The following BFSP1 variants were observed in gnomAD, a reference collection of about 807,000 sequenced individuals.
The protein encoded by BFSP1 is beaded filament structural protein 1, also known as filensin.
BFSP1 carries 38 observed loss-of-function variants against 43.9 expected under a neutral mutation model. The observed-to-expected ratio is 0.87, with a 90% CI of 0.67 to 1.14. BFSP1 has a LOEUF of 1.14. Ranked by LOEUF, BFSP1 falls within the 50% of genes most tolerant of loss-of-function variation. The probability of loss-of-function intolerance (pLI) is 0.00; values close to 1 mark genes in which losing one functional copy is unlikely to be tolerated. For missense variants in BFSP1, 850 were observed against 875.1 expected, an observed-to-expected ratio of 0.97 and a Z score of 0.36; for synonymous variants, 352 against 354.8, an observed-to-expected ratio of 0.99 and a Z score of 0.09.
upstream of BFSP1, among the ~76,000 whole-genome samples, chr20:17,559,904 C>A (rs1026509787): frequency 6.6e-6 from 1 of 152,068 alleles, no homozygotes; most frequent in Non-Finnish European, 1.5e-5. Context: ...TATCTAGAGT[C>A]AAATACCTCA....
intron 1 of BFSP1, among the ~76,000 whole-genome samples, chr20:17,539,936 GA>G (rs1355615198): frequency 2.6e-5 from 4 of 152,108 alleles, no homozygotes; most frequent in Admixed American, 6.6e-5. Context: ...AATTGGGGGG[GA>G]CAACAATAGT....
At chr20:17,504,170 C>T (rs1297064758) in intron 5 of BFSP1, among the ~76,000 whole-genome samples, 5 of 152,182 alleles carry the variant, frequency 3.3e-5, no homozygotes, top group Non-Finnish European at 7.3e-5. Context: ...CCACAGCCCC[C>T]ATCCCCCACA....
intron 4 of BFSP1, among the ~76,000 whole-genome samples, chr20:17,511,092 A>G (rs2034067290): frequency 6.7e-6 from 1 of 148,720 alleles, no homozygotes; most frequent in African/African-American, 2.5e-5. Flanking sequence ...GATTACAAGC[A>G]TGAGCCACCT....
At chr20:17,498,418 C>T (rs1005997487) in intron 6 of BFSP1, among the ~76,000 whole-genome samples, 1 of 152,180 alleles carries the variant, frequency 6.6e-6, no homozygotes, top group Non-Finnish European at 1.5e-5. Context: ...TCTGAGTGCC[C>T]TCAAGTGCCA....
rs1222836687 is a variant in BFSP1 at position 17,565,677 on chromosome 20, C to CT, written n.51-2583dup. The CT allele has an allele frequency of 1.3e-4, 20 of 152,324 alleles. 1 individual carries two copies. The highest frequency in any genetic ancestry group is 4.3e-4 in the African/African-American group (18 of 41,560). The allele number at this position is 152,324 out of a possible 1,614,324, so 9.4% of individuals were successfully genotyped here. ...TATTTCTGTTAGTCCATACAGCAAA[C>CT]TGACATCAGTGGTTACCTCTGAGGA... On this transcript the variant is annotated intron_variant and non_coding_transcript_variant, in intron 1 of 6. Transcript: ENST00000473415.
intron 1 of BFSP1, among the ~76,000 whole-genome samples, chr20:17,538,891 C>T (rs1172821302): frequency 1.3e-5 from 2 of 152,096 alleles, no homozygotes; most frequent in African/African-American, 4.8e-5. Context: ...AAACCTACCA[C>T]CACTTTCAAG....
upstream of BFSP1, among the ~76,000 whole-genome samples, chr20:17,532,560 C>T (rs2034565526): frequency 6.6e-6 from 1 of 151,880 alleles, no homozygotes; most frequent in Non-Finnish European, 1.5e-5. Flanking sequence ...AAGTGATCCG[C>T]CATTAATTGG....
intron 6 of BFSP1, among the ~76,000 whole-genome samples, chr20:17,498,097 A>G (rs1450860731): frequency 6.6e-6 from 1 of 152,180 alleles, no homozygotes; most frequent in East Asian, 1.9e-4. Context: ...CGCGAAGGGA[A>G]GAGCTGCTCC....
At position 17,493,941 on chromosome 20, in the gene BFSP1, G is replaced by T; in HGVS notation, c.*133C>A. 1.2e-6 allele frequency: 1 copy of T among 812,274 alleles called. No individual in the cohort carries two copies. The highest frequency in any genetic ancestry group is 1.9e-6 in the Non-Finnish European group (1 of 519,644). 50.3% of individuals were successfully genotyped at this position (812,274 alleles called of 1,614,324 possible). On this transcript the variant is annotated 3_prime_UTR_variant, in exon 8 of 8. Coordinates refer to ENST00000377873, the MANE Select transcript of BFSP1 (RefSeq NM_001195.5). Reference sequence around the variant, plus strand: ...AAAACATTTTAATGAAGGCTTCGTTGGCAATGCCAGATGGGTCAACTATGG... The same window carrying T: ...AAAACATTTTAATGAAGGCTTCGTTTGCAATGCCAGATGGGTCAACTATGG...
chr20:17,499,395 A>G (rs867098416), intron 5 of BFSP1, among the ~76,000 whole-genome samples: 1 of 138,202 alleles, frequency 7.2e-6, no homozygotes, highest in African/African-American at 2.7e-5. Context: ...AAGCACCAAC[A>G]TGCTGGGCTT....
upstream of BFSP1, among the ~76,000 whole-genome samples, chr20:17,535,086 A>C (rs2034605157): frequency 6.6e-6 from 1 of 152,182 alleles, no homozygotes; most frequent in South Asian, 2.1e-4. Context: ...GGAGGAGAAA[A>C]ACTGCTATAA....
At chr20:17,546,437 A>T (rs1163923262) in intron 1 of BFSP1, among the ~76,000 whole-genome samples, 1 of 152,238 alleles carries the variant, frequency 6.6e-6, no homozygotes, top group Non-Finnish European at 1.5e-5. Flanking sequence ...GAAGTGGCTC[A>T]TGCCTGTAAT....
At chr20:17,567,756 G>C (rs1169454158) in intron 1 of BFSP1, among the ~76,000 whole-genome samples, 1 of 151,962 alleles carries the variant, frequency 6.6e-6, no homozygotes, top group Non-Finnish European at 1.5e-5. Flanking sequence ...AGCTACTCGG[G>C]AGGTTGAGGC....
chr20:17,506,342 C>T (rs780931641), intron 5 of BFSP1, among the ~76,000 whole-genome samples: 86 of 152,092 alleles, frequency 5.7e-4, no homozygotes, highest in Non-Finnish European at 9.8e-4. Flanking sequence ...AGACTTCCCA[C>T]CTACACAACT....
chr20:17,548,266 T>C (rs918654049), intron 1 of BFSP1, among the ~76,000 whole-genome samples: 1 of 151,784 alleles, frequency 6.6e-6, no homozygotes, highest in African/African-American at 2.4e-5. Context: ...TGTTTTTCTC[T>C]CTAGTCTCTC....
At chr20:17,538,599 T>C (rs1457730717) in intron 1 of BFSP1, among the ~76,000 whole-genome samples, 2 of 152,180 alleles carry the variant, frequency 1.3e-5, no homozygotes, top group South Asian at 2.1e-4. Context: ...CCTACCGAAA[T>C]GATGGTACGG....
intron 6 of BFSP1, 120 bp downstream of exon 6, chr20:17,498,700 T>C: frequency 8.6e-7 from 1 of 1,167,668 alleles, no homozygotes; most frequent in Non-Finnish European, 1.2e-6. Context: ...GGTCAGGAAT[T>C]GTTCTGTTTC....
upstream of BFSP1, among the ~76,000 whole-genome samples, chr20:17,531,702 T>C (rs1470729952): frequency 6.6e-6 from 1 of 152,234 alleles, no homozygotes; most frequent in African/African-American, 2.4e-5. Context: ...AAGCGAACTC[T>C]TTAAACTTGG....
At chr20:17,548,361 A>G (rs1244547698) in intron 1 of BFSP1, among the ~76,000 whole-genome samples, 1 of 152,166 alleles carries the variant, frequency 6.6e-6, no homozygotes, top group Non-Finnish European at 1.5e-5. Flanking sequence ...GATGATTTGC[A>G]TAAAGTTTAC....
Sources: allele counts gnomAD v4.1 joint callset (sites outside exome capture counted in the v4.1 genomes callset), GRCh38; gene constraint gnomAD v4.1.1; transcripts MANE v1.5; gene names NCBI Gene and HGNC (gene_info 2026-07-23, HGNC 2026-07-21).